BCAR3: variants seen among roughly 807,000 people sequenced by gnomAD.
BCAR3 encodes BCAR3 adaptor protein, NSP family member.
In BCAR3, 37 loss-of-function variants were observed where a neutral mutation model predicts 80.1. The ratio of observed to expected loss-of-function variants is 0.46; its 90% confidence interval spans 0.36 to 0.61. BCAR3 has a LOEUF of 0.61. Ranked by LOEUF, BCAR3 falls within the 20% of genes least tolerant of loss-of-function variation. BCAR3 has a pLI of 0.00. For missense variants in BCAR3, 978 were observed against 1,068.2 expected (o/e 0.92, Z 1.18); for synonymous variants, 389 against 418.9 (o/e 0.93, Z 0.87).
At chr1:93,770,864 TC>T (rs1473881877) in intron 2 of BCAR3, among the ~76,000 whole-genome samples, 1 of 151,994 alleles carries the variant, frequency 6.6e-6, no homozygotes, top group African/African-American at 2.4e-5. Flanking sequence ...TGGTGCACAC[TC>T]CCACCCCATT....
intron 3 of BCAR3, among the ~76,000 whole-genome samples, chr1:93,693,340 T>A (rs2101965426): frequency 6.6e-6 from 1 of 152,304 alleles, no homozygotes; most frequent in East Asian, 1.9e-4. Flanking sequence ...GAGGCAAACT[T>A]CTCAGTTGTC....
At chr1:93,668,039 G>A (rs1253439796) in intron 2 of BCAR3, among the ~76,000 whole-genome samples, 2 of 152,160 alleles carry the variant, frequency 1.3e-5, no homozygotes, top group East Asian at 3.8e-4. Flanking sequence ...ATTGAGGGGC[G>A]TGAAAAACCC....
At chr1:93,649,427 T>G (rs1373995106) in intron 2 of BCAR3, among the ~76,000 whole-genome samples, 2 of 152,172 alleles carry the variant, frequency 1.3e-5, no homozygotes, top group Non-Finnish European at 2.9e-5. Flanking sequence ...ATCCACCTCT[T>G]TCCCAAGAGC....
chr1:93,763,909 C>G (rs1652049758), intron 2 of BCAR3, among the ~76,000 whole-genome samples: 1 of 152,176 alleles, frequency 6.6e-6, no homozygotes, highest in South Asian at 2.1e-4. Context: ...GTGAGCTGAG[C>G]TGGCAGGAGC....
intron 1 of BCAR3, among the ~76,000 whole-genome samples, chr1:93,675,298 A>G (rs1648420803): frequency 6.6e-6 from 1 of 152,232 alleles, no homozygotes. Context: ...ATAAACTGTT[A>G]GATAATTAGC....
At chr1:93,564,878 G>A (rs551309026) in intron 11 of BCAR3, among the ~76,000 whole-genome samples, 2 of 152,234 alleles carry the variant, frequency 1.3e-5, no homozygotes, top group East Asian at 3.9e-4. Flanking sequence ...TCTGCTTAAG[G>A]CCAAAGATGT....
At chr1:93,838,717 T>A (rs1654856382) in intron 2 of BCAR3, among the ~76,000 whole-genome samples, 1 of 152,128 alleles carries the variant, frequency 6.6e-6, no homozygotes, top group Non-Finnish European at 1.5e-5. Flanking sequence ...CTGTCAGGGA[T>A]CCAGAAGTAA....
intron 2 of BCAR3, among the ~76,000 whole-genome samples, chr1:93,770,174 C>T (rs1329310094): frequency 6.6e-6 from 1 of 152,096 alleles, no homozygotes; most frequent in African/African-American, 2.4e-5. Context: ...AGTCCTTGGT[C>T]GAGAAGATTT....
chr1:93,803,793 C>T (rs1470024678), intron 2 of BCAR3, among the ~76,000 whole-genome samples: 1 of 152,126 alleles, frequency 6.6e-6, no homozygotes, highest in Non-Finnish European at 1.5e-5. Context: ...AGAAGGCGTC[C>T]CCAGATGGGT....
intron 3 of BCAR3, among the ~76,000 whole-genome samples, chr1:93,595,262 G>A (rs972467934): frequency 4.6e-5 from 7 of 152,194 alleles, no homozygotes; most frequent in African/African-American, 1.7e-4. Context: ...TTTATGAAAA[G>A]TTTGAAGGTT....
chr1:93,744,732 T>C (rs1019681572), intron 2 of BCAR3, among the ~76,000 whole-genome samples: 2 of 152,242 alleles, frequency 1.3e-5, no homozygotes, highest in African/African-American at 4.8e-5. Context: ...CTCAGTTCTC[T>C]AGACCTCCCT....
At chr1:93,803,000 A>G (rs1201904009) in intron 2 of BCAR3, among the ~76,000 whole-genome samples, 1 of 152,156 alleles carries the variant, frequency 6.6e-6, no homozygotes, top group Non-Finnish European at 1.5e-5. Context: ...CCCCAGAGTT[A>G]ATCTTCTCCG....
chr1:93,752,917 A>G (rs4075523), intron 2 of BCAR3: 108,525 of 152,156 alleles, frequency 0.71, 39,679 homozygotes, highest in African/African-American at 0.87. Context: ...AGAGAAGAGT[A>G]CACTGGTTAT....
At chr1:93,802,546 A>T (rs1261586290) in intron 2 of BCAR3, among the ~76,000 whole-genome samples, 1 of 152,198 alleles carries the variant, frequency 6.6e-6, no homozygotes, top group Non-Finnish European at 1.5e-5. Flanking sequence ...TCCAGGGAGT[A>T]TGGGCCACTG....
At chr1:93,733,910 A>T (rs1650890326) in intron 2 of BCAR3, among the ~76,000 whole-genome samples, 1 of 152,238 alleles carries the variant, frequency 6.6e-6, no homozygotes. Context: ...AGCAGAATCT[A>T]AAACCAAAAT....
At chr1:93,801,738 T>C (rs1653486950) in intron 2 of BCAR3, among the ~76,000 whole-genome samples, 1 of 152,188 alleles carries the variant, frequency 6.6e-6, no homozygotes, top group South Asian at 2.1e-4. Flanking sequence ...TGCAGGAGAA[T>C]CATTTGAGGC....
chr1:93,702,422 G>C (rs920207135), intron 3 of BCAR3, among the ~76,000 whole-genome samples: 2 of 152,236 alleles, frequency 1.3e-5, no homozygotes, highest in Non-Finnish European at 2.9e-5. Flanking sequence ...CTCAGGCCCA[G>C]GTCAGAGGAG....
At chr1:93,663,570 G>A in intron 2 of BCAR3, among the ~76,000 whole-genome samples, 1 of 152,224 alleles carries the variant, frequency 6.6e-6, no homozygotes, top group East Asian at 1.9e-4. Flanking sequence ...CTATACCGTG[G>A]ATGAGAAATT....
At position 93,825,751 on chromosome 1, in the gene BCAR3, G is replaced by A. The variant is rs561380305; in HGVS notation, c.-63+19816C>T. Among the ~76,000 whole-genome samples the A allele has an allele frequency of 2.0e-4, 31 of 152,138 alleles. 1 individual carries two copies. Among genetic ancestry groups the A allele is most frequent in the Non-Finnish European group, 1.0e-4 (7 of 68,024 alleles). ...GGAGAGGGTATCATTTAAAGGGCCC[G>A]CAGCAGCAAAGAGGCTTTCTCTCCT... On this transcript the variant is annotated intron_variant, in intron 2 of 13. Coordinates refer to the BCAR3 transcript ENST00000370244.
Sources: allele counts gnomAD v4.1 joint callset (sites outside exome capture counted in the v4.1 genomes callset), GRCh38; gene constraint gnomAD v4.1.1; transcripts MANE v1.5; gene names NCBI Gene and HGNC (gene_info 2026-07-23, HGNC 2026-07-21).